The following ANO6 variants were observed in gnomAD, a reference collection of about 807,000 sequenced individuals.
ANO6 encodes anoctamin-6.
A neutral mutation model predicts 117.5 loss-of-function variants in ANO6; 106 were observed. The ratio of observed to expected loss-of-function variants is 0.90; its 90% CI spans 0.77 to 1.06. The LOEUF (loss-of-function observed/expected upper bound fraction) is 1.06. Ranked by LOEUF, ANO6 falls within the 50% of genes least tolerant of loss-of-function variation. The pLI is 0.00. For synonymous variants in ANO6, 367 were observed against 385.1 expected, an observed-to-expected ratio of 0.95 and a Z score of 0.55; for missense variants, 955 against 1,121.1, an observed-to-expected ratio of 0.85 and a Z score of 2.12.
chr12:45,304,223 C>A (rs1939591769), intron 2 of ANO6, among the ~76,000 whole-genome samples: 1 of 152,090 alleles, frequency 6.6e-6, no homozygotes, highest in Admixed American at 6.6e-5. Flanking sequence ...AGAAGTGGTG[C>A]CTTGAGAACA....
chr12:45,358,332 T>C (rs1941466160), intron 8 of ANO6, among the ~76,000 whole-genome samples: 1 of 152,228 alleles, frequency 6.6e-6, no homozygotes, highest in South Asian at 2.1e-4. Context: ...CCATTATGGC[T>C]TCTTAGCTTG....
At chr12:45,278,687 A>G (rs956069233) in intron 1 of ANO6, among the ~76,000 whole-genome samples, 3 of 151,932 alleles carry the variant, frequency 2.0e-5, no homozygotes, top group South Asian at 4.1e-4. Flanking sequence ...CGTCTTTTTC[A>G]TGTGATTTCT....
At chr12:45,237,483 C>T (rs139173138) in intron 1 of ANO6, among the ~76,000 whole-genome samples, 13 of 152,316 alleles carry the variant, frequency 8.5e-5, no homozygotes, top group Non-Finnish European at 2.9e-5. Context: ...AATAAGGAAT[C>T]CTTTCCCCAT....
At chr12:45,228,123 G>GTTTTTT in intron 1 of ANO6, 12 of 283,968 alleles carry the variant, frequency 4.2e-5, no homozygotes, top group Non-Finnish European at 4.0e-5. Flanking sequence ...TTTTTGTGTT[G>GTTTTTT]TTTTTTTTTT....
At chr12:45,424,438 G>T (rs1026216126) in intron 19 of ANO6, among the ~76,000 whole-genome samples, 3 of 143,624 alleles carry the variant, frequency 2.1e-5, no homozygotes, top group African/African-American at 7.7e-5. Flanking sequence ...TCCAGGTTCA[G>T]CCAATTCTCC....
chr12:45,280,389 C>A (rs1427482301), intron 1 of ANO6, among the ~76,000 whole-genome samples: 1 of 152,118 alleles, frequency 6.6e-6, no homozygotes, highest in Non-Finnish European at 1.5e-5. Context: ...GACCCTGTGG[C>A]CTACAGACCA....
intron 2 of ANO6, among the ~76,000 whole-genome samples, chr12:45,314,306 T>G (rs1272872262): frequency 2.0e-5 from 3 of 151,856 alleles, no homozygotes; most frequent in African/African-American, 7.3e-5. Flanking sequence ...ACACCCAGGT[T>G]TAAGAATCAT....
chr12:45,301,532 A>C (rs947219515), intron 1 of ANO6, among the ~76,000 whole-genome samples: 2 of 151,790 alleles, frequency 1.3e-5, no homozygotes, highest in African/African-American at 4.8e-5. Context: ...TGGGAGGATC[A>C]CTTGAGCCCA....
intron 1 of ANO6, among the ~76,000 whole-genome samples, chr12:45,285,453 G>A (rs1010221017): frequency 2.6e-5 from 4 of 152,176 alleles, no homozygotes; most frequent in African/African-American, 7.2e-5. Context: ...GCAGTAAAAA[G>A]GCTACCGAGG....
intron 1 of ANO6, among the ~76,000 whole-genome samples, chr12:45,235,175 C>T (rs753853253): frequency 1.2e-4 from 18 of 152,212 alleles, no homozygotes; most frequent in Non-Finnish European, 2.2e-4. Flanking sequence ...TGCTACTTCT[C>T]CTCCTTCCTG....
intron 19 of ANO6, chr12:45,439,625 T>G (rs574354518): frequency 7.4e-7 from 1 of 1,347,366 alleles, no homozygotes; most frequent in African/African-American, 1.5e-5. Flanking sequence ...ATTACCAGAG[T>G]ATTCAAGATA....
chr12:45,319,434 G>A (rs1940176148), intron 2 of ANO6, among the ~76,000 whole-genome samples: 1 of 152,164 alleles, frequency 6.6e-6, no homozygotes, highest in Non-Finnish European at 1.5e-5. Context: ...ATTTGTATAT[G>A]TTGAACCAGC....
chr12:45,439,682 C>T (rs1362023748), exon 20 of ANO6: 5 of 1,315,428 alleles, frequency 3.8e-6, no homozygotes, highest in Non-Finnish European at 4.9e-6. Context: ...CAGTATCTCG[C>T]TTTGTTGCCC....
At chr12:45,249,057 T>TTA (rs1947865695) in intron 1 of ANO6, among the ~76,000 whole-genome samples, 1 of 152,236 alleles carries the variant, frequency 6.6e-6, no homozygotes, top group South Asian at 2.1e-4. Context: ...ATCATCATAA[T>TTA]ATGTGTTGGT....
At chr12:45,295,852 T>TTTTTA (rs1287368964) in intron 1 of ANO6, among the ~76,000 whole-genome samples, 2 of 151,498 alleles carry the variant, frequency 1.3e-5, no homozygotes. Context: ...TTTTTAAATT[T>TTTTTA]TTTTATTTTT....
At chr12:45,376,088 G>A (rs1942006798) in intron 9 of ANO6, among the ~76,000 whole-genome samples, 1 of 151,224 alleles carries the variant, frequency 6.6e-6, no homozygotes, top group Non-Finnish European at 1.5e-5. Flanking sequence ...GCAGCCAAAA[G>A]ACACATGAAA....
intron 12 of ANO6, among the ~76,000 whole-genome samples, chr12:45,398,504 C>A (rs113598565): frequency 0.013 from 2,037 of 152,230 alleles, 40 homozygotes; most frequent in African/African-American, 0.047. Context: ...ATGCTTTAAT[C>A]CACTAATTTA....
At chr12:45,271,972 A>T (rs1180420263) in intron 1 of ANO6, among the ~76,000 whole-genome samples, 1 of 152,194 alleles carries the variant, frequency 6.6e-6, no homozygotes, top group African/African-American at 2.4e-5. Context: ...TTCATATTGG[A>T]GAGCAAATGG....
chr12:45,338,203 T>C (rs1400511770), intron 3 of ANO6, among the ~76,000 whole-genome samples: 2 of 152,058 alleles, frequency 1.3e-5, no homozygotes, highest in African/African-American at 2.4e-5. Flanking sequence ...ACAAAACTGG[T>C]TGTTCCAAAG....
Sources: gnomAD v4.1 joint callset for allele counts (sites outside exome capture counted in the v4.1 genomes callset) on GRCh38, gnomAD v4.1.1 for gene constraint, MANE v1.5 for transcripts, NCBI Gene and HGNC (gene_info 2026-07-23, HGNC 2026-07-21) for gene names.